Variants in DAB1 observed in about 807,000 individuals in gnomAD.
DAB1 encodes the protein DAB adaptor protein 1.
DAB1 carries 15 observed loss-of-function variants against 64.6 expected under a neutral mutation model. The ratio of observed to expected loss-of-function variants is 0.23; its 90% CI spans 0.16 to 0.36. DAB1 has a LOEUF of 0.36. Among genes scored for constraint, DAB1 ranks in the 10% least tolerant of loss-of-function variants. DAB1 has a pLI of 1.00. For missense variants in DAB1, 596 were observed against 706.7 expected (o/e 0.84, Z 1.78); for synonymous variants, 235 against 251.9 (o/e 0.93, Z 0.64).
At chr1:57,905,004 C>T (rs535239219) in intron 5 of DAB1, among the ~76,000 whole-genome samples, 1 of 152,038 alleles carries the variant, frequency 6.6e-6, no homozygotes, top group Non-Finnish European at 1.5e-5. Context: ...TAATAGCTAA[C>T]ATTTATTGAT....
At chr1:57,197,992 A>C (rs959996721) in intron 2 of DAB1, among the ~76,000 whole-genome samples, 1 of 152,222 alleles carries the variant, frequency 6.6e-6, no homozygotes, top group Non-Finnish European at 1.5e-5. Flanking sequence ...CCTAAAGAGT[A>C]CCACATAAGA....
At chr1:57,752,952 CA>C (rs1648622681) in intron 6 of DAB1, among the ~76,000 whole-genome samples, 1 of 152,140 alleles carries the variant, frequency 6.6e-6, no homozygotes, top group Non-Finnish European at 1.5e-5. Flanking sequence ...TTGCCCTAGG[CA>C]ACATAATATT....
chr1:57,423,085 T>C (rs1287810664), intron 1 of DAB1, among the ~76,000 whole-genome samples: 1 of 151,762 alleles, frequency 6.6e-6, no homozygotes, highest in Admixed American at 6.6e-5. Flanking sequence ...CTGGGTTCTC[T>C]CGGCGGTTGA....
chr1:57,869,354 T>C (rs1654437450), intron 1 of DAB1, among the ~76,000 whole-genome samples: 1 of 152,124 alleles, frequency 6.6e-6, no homozygotes. Context: ...ACCAAGTTAA[T>C]GTTCATCCTT....
chr1:57,950,745 C>A (rs891176820), intron 5 of DAB1, among the ~76,000 whole-genome samples: 1 of 152,140 alleles, frequency 6.6e-6, no homozygotes, highest in African/African-American at 2.4e-5. Flanking sequence ...GACATTATGT[C>A]TCCTCTTCAA....
At chr1:57,511,219 C>T (rs541382389) in intron 7 of DAB1, among the ~76,000 whole-genome samples, 4 of 152,268 alleles carry the variant, frequency 2.6e-5, no homozygotes, top group African/African-American at 7.2e-5. Context: ...TGCATGAAAC[C>T]TATCCTGTTG....
At chr1:57,176,378 A>G (rs7552759) in intron 2 of DAB1, among the ~76,000 whole-genome samples, 48,080 of 151,456 alleles carry the variant, frequency 0.32, 9,327 homozygotes, top group Non-Finnish European at 0.43. Flanking sequence ...GTGCAGGGAA[A>G]CCCCCGTTTT....
intron 1 of DAB1, among the ~76,000 whole-genome samples, chr1:57,832,199 T>G (rs1481110038): frequency 6.6e-6 from 1 of 152,196 alleles, no homozygotes; most frequent in Non-Finnish European, 1.5e-5. Context: ...AAATGGCATC[T>G]GAGCTGATGT....
intron 6 of DAB1, among the ~76,000 whole-genome samples, chr1:57,769,874 T>G (rs1326642786): frequency 6.6e-6 from 1 of 152,138 alleles, no homozygotes; most frequent in Non-Finnish European, 1.5e-5. Flanking sequence ...TCCCTTCTCC[T>G]GTGTCCTGAG....
chr1:57,090,284 G>A (rs1169217081), intron 4 of DAB1, among the ~76,000 whole-genome samples: 2 of 152,146 alleles, frequency 1.3e-5, no homozygotes, highest in African/African-American at 2.4e-5. Flanking sequence ...CCTGCTGAAG[G>A]GAATGTTTCT....
chr1:57,827,763 C>A (rs1480281986), intron 1 of DAB1, among the ~76,000 whole-genome samples: 1 of 152,138 alleles, frequency 6.6e-6, no homozygotes, highest in African/African-American at 2.4e-5. Context: ...CTTTGGCCTG[C>A]CTATAGGTAT....
At chr1:57,560,166 T>TATACCTTC (rs1645034318) in intron 7 of DAB1, among the ~76,000 whole-genome samples, 1 of 152,256 alleles carries the variant, frequency 6.6e-6, no homozygotes, top group Non-Finnish European at 1.5e-5. Flanking sequence ...TGCCTTCAGC[T>TATACCTTC]GGCAAGGCCA....
intron 3 of DAB1, among the ~76,000 whole-genome samples, chr1:58,447,415 T>C (rs1645080121): frequency 6.6e-6 from 1 of 152,194 alleles, no homozygotes; most frequent in African/African-American, 2.4e-5. Flanking sequence ...AGATAAACTT[T>C]CCTGCTATGT....
chr1:57,576,121 A>T (rs1044480428), intron 7 of DAB1, among the ~76,000 whole-genome samples: 1 of 152,058 alleles, frequency 6.6e-6, no homozygotes, highest in Non-Finnish European at 1.5e-5. Context: ...TTAGATTTTG[A>T]TCTTTTATTT....
chr1:57,097,445 C>T (rs1654265418), intron 4 of DAB1, among the ~76,000 whole-genome samples: 1 of 152,156 alleles, frequency 6.6e-6, no homozygotes. Context: ...GGGTTGCATC[C>T]AATGCTTATG....
At chr1:58,364,061 G>C (rs1260758886) in intron 3 of DAB1, among the ~76,000 whole-genome samples, 1 of 152,218 alleles carries the variant, frequency 6.6e-6, no homozygotes, top group Non-Finnish European at 1.5e-5. Flanking sequence ...AGTGATGTCT[G>C]AAGGACCAAC....
chr1:57,180,684 A>AAC (rs141930613), intron 2 of DAB1, among the ~76,000 whole-genome samples: 2 of 151,896 alleles, frequency 1.3e-5, no homozygotes, highest in South Asian at 4.2e-4. Flanking sequence ...CCCCACAACA[A>AAC]ACACACACAC....
chr1:57,513,715 T>A (rs1428857026), intron 7 of DAB1, among the ~76,000 whole-genome samples: 3 of 152,162 alleles, frequency 2.0e-5, no homozygotes, highest in African/African-American at 7.2e-5. Context: ...TAAGATCTAC[T>A]CCCTTGGCGA....
At position 57,276,045 on chromosome 1, in the gene DAB1, C is replaced by T. The variant is rs551986637; in HGVS notation, c.67+14919G>A. ...ATCACTTAGCAAAATGATAATATTG[C>T]AAAAAGTTTATGATATGAGAATAGC... On this transcript the variant is annotated intron_variant, in intron 2 of 14. Coordinates refer to ENST00000371236, the MANE Select transcript of DAB1 (RefSeq NM_001365792.1). Among the ~76,000 whole-genome samples, 5 of 152,180 alleles carry T rather than the reference C, an allele frequency of 3.3e-5. No individual in the cohort carries two copies. The South Asian group carries it at 1.0e-3, about 32-fold the overall frequency.
Sources: allele counts gnomAD v4.1 joint callset (sites outside exome capture counted in the v4.1 genomes callset), GRCh38; gene constraint gnomAD v4.1.1; transcripts MANE v1.5; gene names NCBI Gene and HGNC (gene_info 2026-07-23, HGNC 2026-07-21).